GALNT7: variants seen among roughly 807,000 people sequenced by gnomAD.
The protein encoded by GALNT7 is polypeptide N-acetylgalactosaminyltransferase 7, also known as N-acetylgalactosaminyltransferase 7.
In GALNT7, 60 loss-of-function variants were observed where a neutral mutation model predicts 82.1. The ratio of observed to expected loss-of-function variants is 0.73; its 90% CI spans 0.59 to 0.91. The LOEUF (loss-of-function observed/expected upper bound fraction) is 0.91. Ranked by LOEUF, GALNT7 falls within the 40% of genes least tolerant of loss-of-function variation. The pLI, the probability that GALNT7 is intolerant of heterozygous loss-of-function variation, is 0.00. For missense variants in GALNT7, 660 were observed against 804.2 expected (o/e 0.82, Z 2.17); for synonymous variants, 243 against 275.1 (o/e 0.88, Z 1.15).
intron 1 of GALNT7, among the ~76,000 whole-genome samples, chr4:173,182,099 A>T (rs1482489014): frequency 6.6e-6 from 1 of 152,232 alleles, no homozygotes; most frequent in African/African-American, 2.4e-5. Context: ...GGCAAAAATC[A>T]CTTCCTAAAG....
At chr4:173,315,836 G>A (rs796475924) in intron 9 of GALNT7, 9 of 152,270 alleles carry the variant, frequency 5.9e-5, no homozygotes, top group African/African-American at 2.2e-4. Flanking sequence ...AGCCTAAATT[G>A]AACTTCCTAT....
At chr4:173,275,216 T>G (rs1735857263) in intron 2 of GALNT7, among the ~76,000 whole-genome samples, 1 of 152,214 alleles carries the variant, frequency 6.6e-6, no homozygotes. Flanking sequence ...TCCCAGAGTT[T>G]ATACACATTA....
chr4:173,211,065 A>G (rs1459302059), intron 1 of GALNT7, among the ~76,000 whole-genome samples: 1 of 151,906 alleles, frequency 6.6e-6, no homozygotes, highest in Non-Finnish European at 1.5e-5. Flanking sequence ...TCTGATGTGT[A>G]TTTTATACTT....
chr4:173,273,238 C>T (rs1397435976), intron 2 of GALNT7, among the ~76,000 whole-genome samples: 2 of 152,126 alleles, frequency 1.3e-5, no homozygotes, highest in African/African-American at 4.8e-5. Context: ...GGAGAGATGA[C>T]TCAATAAACA....
intron 1 of GALNT7, among the ~76,000 whole-genome samples, chr4:173,205,716 T>C (rs1181137004): frequency 6.6e-6 from 1 of 151,786 alleles, no homozygotes; most frequent in African/African-American, 2.4e-5. Context: ...TCTGGGGCTG[T>C]GTAGGGCAAT....
chr4:173,269,175 A>T (rs1305713866), intron 2 of GALNT7, among the ~76,000 whole-genome samples: 12 of 152,130 alleles, frequency 7.9e-5, no homozygotes, highest in Non-Finnish European at 1.2e-4. Flanking sequence ...AAAACAAAAT[A>T]TTTTTTGTCT....
chr4:173,171,091 A>G (rs1731851540), intron 1 of GALNT7, among the ~76,000 whole-genome samples: 1 of 152,262 alleles, frequency 6.6e-6, no homozygotes, highest in South Asian at 2.1e-4. Flanking sequence ...CTTAGGTATC[A>G]GAAGAGCAAG....
At chr4:173,196,919 G>T (rs763830709) in intron 1 of GALNT7, among the ~76,000 whole-genome samples, 2 of 152,144 alleles carry the variant, frequency 1.3e-5, no homozygotes, top group Non-Finnish European at 2.9e-5. Flanking sequence ...TTGCTTCCTA[G>T]ATGTTATCTT....
chr4:173,297,647 A>G, intron 5 of GALNT7: 1 of 432,058 alleles, frequency 2.3e-6, no homozygotes, highest in Non-Finnish European at 4.0e-6. Flanking sequence ...TTCGGCTTTT[A>G]TGGGACATTC....
At chr4:173,189,961 A>T (rs1256731183) in intron 1 of GALNT7, among the ~76,000 whole-genome samples, 1 of 151,374 alleles carries the variant, frequency 6.6e-6, no homozygotes, top group Non-Finnish European at 1.5e-5. Flanking sequence ...TAAAATATAG[A>T]TTTGGCTACT....
At chr4:173,299,853 A>AC (rs1481700349) in intron 6 of GALNT7, among the ~76,000 whole-genome samples, 1 of 148,554 alleles carries the variant, frequency 6.7e-6, no homozygotes, top group East Asian at 1.9e-4. Context: ...CTCAAAAACA[A>AC]AAAAAAAAAG....
intron 1 of GALNT7, among the ~76,000 whole-genome samples, chr4:173,183,043 A>AACACACACACACACACACACAC (rs35043722): frequency 8.0e-6 from 1 of 125,034 alleles, no homozygotes; most frequent in Non-Finnish European, 1.7e-5. Context: ...CACACACATA[A>AACACACACACACACACACACAC]ACACACACAC....
chr4:173,273,620 C>G (rs1735803020), intron 2 of GALNT7, among the ~76,000 whole-genome samples: 1 of 152,188 alleles, frequency 6.6e-6, no homozygotes, highest in South Asian at 2.1e-4. Context: ...ATGCTACTCA[C>G]TTGGGGTGGT....
intron 9 of GALNT7, 108 bp downstream of exon 9, chr4:173,314,284 T>TA (rs1281203978): frequency 1.3e-6 from 1 of 779,522 alleles, no homozygotes; most frequent in Non-Finnish European, 2.2e-6. Flanking sequence ...AAAGTTGGGG[T>TA]AAAAACTGTC....
chr4:173,241,340 A>T (rs1307836841), intron 1 of GALNT7, among the ~76,000 whole-genome samples: 1 of 152,150 alleles, frequency 6.6e-6, no homozygotes, highest in Admixed American at 6.5e-5. Context: ...GATGTGGGAG[A>T]AATTGCATTA....
chr4:173,223,319 C>T (rs190227788), intron 1 of GALNT7, among the ~76,000 whole-genome samples: 3 of 152,186 alleles, frequency 2.0e-5, no homozygotes, highest in Admixed American at 2.0e-4. Flanking sequence ...TGATTCAATA[C>T]ATATGGTGAA....
At chr4:173,267,654 C>G (rs1735553315) in intron 2 of GALNT7, among the ~76,000 whole-genome samples, 1 of 152,104 alleles carries the variant, frequency 6.6e-6, no homozygotes. Context: ...CCGAGAGTGC[C>G]AAGTTCATAA....
At chr4:173,269,184 C>T (rs1735627571) in intron 2 of GALNT7, among the ~76,000 whole-genome samples, 1 of 152,126 alleles carries the variant, frequency 6.6e-6, no homozygotes, top group Admixed American at 6.5e-5. Flanking sequence ...TATTTTTTGT[C>T]TGTTAATTTA....
At position 173,279,041 on chromosome 4, in the gene GALNT7, A is replaced by C. The variant is rs891996492; in HGVS notation, c.588-13067A>C. Among the ~76,000 whole-genome samples, 3 of 152,184 alleles carry C rather than the reference A, an allele frequency of 2.0e-5. No homozygotes were observed. In the East Asian group the frequency reaches 5.8e-4, roughly 29 times the overall value. On this transcript the variant is annotated intron_variant, in intron 2 of 11. Transcript: ENST00000265000. Reference sequence around the variant, plus strand: ...GGGTAAAATTCACTCCCCTCAGTCTATTGATTCTGATAACTGGGTTTAACA... The same window carrying C: ...GGGTAAAATTCACTCCCCTCAGTCTCTTGATTCTGATAACTGGGTTTAACA...
Sources: gnomAD v4.1 joint callset for allele counts (sites outside exome capture counted in the v4.1 genomes callset) on GRCh38, gnomAD v4.1.1 for gene constraint, MANE v1.5 for transcripts, NCBI Gene and HGNC (gene_info 2026-07-23, HGNC 2026-07-21) for gene names.